Variants in KIAA1217 observed in about 807,000 individuals in gnomAD.
The protein encoded by KIAA1217 is sickle tail protein homolog.
KIAA1217 carries 88 observed loss-of-function variants against 163.9 expected under a neutral mutation model. The ratio of observed to expected loss-of-function variants is 0.54; its 90% CI spans 0.45 to 0.64. The LOEUF (loss-of-function observed/expected upper bound fraction) is 0.64. Ranked by LOEUF, KIAA1217 falls within the 30% of genes least tolerant of loss-of-function variation. The probability of loss-of-function intolerance (pLI) is 0.00; values close to 1 mark genes in which losing one functional copy is unlikely to be tolerated. For synonymous variants in KIAA1217, 903 were observed against 923.1 expected (o/e 0.98, Z 0.39); for missense variants, 2,372 against 2,475.0 (o/e 0.96, Z 0.88).
intron 1 of KIAA1217, among the ~76,000 whole-genome samples, chr10:23,966,779 G>T: frequency 6.6e-6 from 1 of 152,166 alleles, no homozygotes; most frequent in South Asian, 2.1e-4. Flanking sequence ...AAGTAATAAT[G>T]TAGTAAGGAA....
At chr10:24,086,847 G>C (rs367736910) in intron 2 of KIAA1217, among the ~76,000 whole-genome samples, 151 of 152,282 alleles carry the variant, frequency 9.9e-4, no homozygotes, top group African/African-American at 3.5e-3. Flanking sequence ...GGGTAACCTT[G>C]ACCCAGCAGT....
At chr10:23,868,057 G>C (rs144648105) in intron 1 of KIAA1217, among the ~76,000 whole-genome samples, 6 of 151,918 alleles carry the variant, frequency 3.9e-5, no homozygotes, top group African/African-American at 1.2e-4. Flanking sequence ...CCAGTTTCAG[G>C]TTTCTACATA....
chr10:23,889,174 C>T (rs772629881), intron 1 of KIAA1217, among the ~76,000 whole-genome samples: 7 of 151,868 alleles, frequency 4.6e-5, no homozygotes, highest in Non-Finnish European at 1.0e-4. Flanking sequence ...GTTTTCATTG[C>T]TCTTAGATGA....
chr10:24,095,067 C>T (rs1260291911), intron 2 of KIAA1217, among the ~76,000 whole-genome samples: 2 of 152,188 alleles, frequency 1.3e-5, no homozygotes, highest in Non-Finnish European at 2.9e-5. Flanking sequence ...TCTGATGCGC[C>T]GTTTCCTAAG....
chr10:23,812,835 A>T (rs1185659364), intron 1 of KIAA1217, among the ~76,000 whole-genome samples: 4 of 152,220 alleles, frequency 2.6e-5, no homozygotes, highest in African/African-American at 9.7e-5. Context: ...TTTACTTAGC[A>T]TAACATTTTC....
At chr10:24,142,985 C>T (rs1256127652) in intron 2 of KIAA1217, among the ~76,000 whole-genome samples, 2 of 152,122 alleles carry the variant, frequency 1.3e-5, no homozygotes, top group East Asian at 1.9e-4. Context: ...TTTTCGTATA[C>T]CCTTAAAAAG....
chr10:23,916,528 T>C (rs1448349559), intron 1 of KIAA1217, among the ~76,000 whole-genome samples: 1 of 152,182 alleles, frequency 6.6e-6, no homozygotes, highest in Non-Finnish European at 1.5e-5. Context: ...GTTTATTTAA[T>C]GCTCTGGTAG....
intron 1 of KIAA1217, among the ~76,000 whole-genome samples, chr10:23,722,185 G>T (rs1171514696): frequency 6.6e-6 from 1 of 152,164 alleles, no homozygotes; most frequent in Non-Finnish European, 1.5e-5. Flanking sequence ...GAGGCTGGGG[G>T]AAGGGGAAAT....
chr10:23,806,797 C>T (rs994899075), intron 1 of KIAA1217, among the ~76,000 whole-genome samples: 2 of 152,150 alleles, frequency 1.3e-5, no homozygotes, highest in African/African-American at 2.4e-5. Flanking sequence ...TGTACATTTT[C>T]GAGTTATTGA....
Position 23,792,525 on chromosome 10 carries a change from T to C in KIAA1217, c.-321+97291T>C, listed in dbSNP as rs187401941. On this transcript the variant is annotated intron_variant, in intron 1 of 18. Transcript: ENST00000376462. ...ATTATTTTTTGAGATGGAGTCTCGC[T>C]CTGTCATCCCAGGCTGGAGTGCAGT... 4.3e-4 allele frequency among the ~76,000 whole-genome samples: 65 copies of C among 151,994 alleles called. 1 individual carries two copies. The Middle Eastern group carries it at 0.014, about 32-fold the overall frequency.
At chr10:24,017,367 A>G (rs1273668873) in intron 2 of KIAA1217, among the ~76,000 whole-genome samples, 1 of 152,084 alleles carries the variant, frequency 6.6e-6, no homozygotes, top group Non-Finnish European at 1.5e-5. Flanking sequence ...GCCAGAAATC[A>G]TATTTTTGAT....
intron 3 of KIAA1217, among the ~76,000 whole-genome samples, chr10:24,409,220 T>A (rs532481301): frequency 6.6e-6 from 1 of 152,314 alleles, no homozygotes; most frequent in East Asian, 1.9e-4. Context: ...CTGACACCAC[T>A]TTACTTTTGT....
chr10:24,533,315 T>A (rs576996962), intron 16 of KIAA1217, 78 bp downstream of exon 16: 3 of 1,430,966 alleles, frequency 2.1e-6, no homozygotes, highest in Non-Finnish European at 2.8e-6. Context: ...ACAGATTTGT[T>A]AGCGAGAAGG....
chr10:23,948,125 TG>T (rs997845285), intron 1 of KIAA1217, among the ~76,000 whole-genome samples: 1 of 152,180 alleles, frequency 6.6e-6, no homozygotes, highest in African/African-American at 2.4e-5. Context: ...AGTGGGAACC[TG>T]GGAAGTTAGT....
intron 4 of KIAA1217, among the ~76,000 whole-genome samples, chr10:24,437,429 G>C (rs947795076): frequency 2.6e-5 from 4 of 152,264 alleles, no homozygotes; most frequent in African/African-American, 9.6e-5. Context: ...ACACAAGCCA[G>C]TAATCCCAGT....
At chr10:24,311,365 G>A (rs527707936) in intron 2 of KIAA1217, among the ~76,000 whole-genome samples, 2 of 152,276 alleles carry the variant, frequency 1.3e-5, no homozygotes, top group South Asian at 2.1e-4. Context: ...ACGGGTCCTC[G>A]CTGGGCTTGT....
chr10:24,286,458 A>G (rs908643974), intron 2 of KIAA1217, among the ~76,000 whole-genome samples: 7 of 150,932 alleles, frequency 4.6e-5, no homozygotes, highest in African/African-American at 1.7e-4. Context: ...ATATATATAC[A>G]CACACACACA....
intron 2 of KIAA1217, among the ~76,000 whole-genome samples, chr10:24,371,841 A>C (rs947285523): frequency 6.6e-6 from 1 of 152,236 alleles, no homozygotes; most frequent in African/African-American, 2.4e-5. Flanking sequence ...TCTATTCTTT[A>C]AAAATATCAT....
At chr10:23,742,690 C>T (rs1369509699) in intron 1 of KIAA1217, among the ~76,000 whole-genome samples, 1 of 152,202 alleles carries the variant, frequency 6.6e-6, no homozygotes, top group Non-Finnish European at 1.5e-5. Flanking sequence ...AATCCACCCT[C>T]ATGACAAAAA....
Sources: allele counts gnomAD v4.1 joint callset (sites outside exome capture counted in the v4.1 genomes callset), GRCh38; gene constraint gnomAD v4.1.1; transcripts MANE v1.5; gene names NCBI Gene and HGNC (gene_info 2026-07-23, HGNC 2026-07-21).